GAD1: variants seen among roughly 807,000 people sequenced by gnomAD.
The protein encoded by GAD1 is glutamate decarboxylase 1.
In GAD1, 35 loss-of-function variants were observed where a neutral mutation model predicts 75.2. The ratio of observed to expected loss-of-function variants is 0.47; its 90% CI spans 0.36 to 0.62. The LOEUF is 0.62. Among genes scored for constraint, GAD1 ranks in the 20% least tolerant of loss-of-function variants. GAD1 has a pLI of 0.00. For missense variants in GAD1, 490 were observed against 758.5 expected (o/e 0.65, Z 4.16); for synonymous variants, 257 against 271.9 (o/e 0.95, Z 0.54).
upstream of GAD1, among the ~76,000 whole-genome samples, chr2:170,813,707 A>G (rs1701649547): frequency 6.6e-6 from 1 of 152,182 alleles, no homozygotes; most frequent in African/African-American, 2.4e-5. Flanking sequence ...CTTGGCCCCA[A>G]ATCCGGTTGG....
At chr2:170,859,154 C>T (rs1355308092) in intron 16 of GAD1, among the ~76,000 whole-genome samples, 3 of 152,096 alleles carry the variant, frequency 2.0e-5, no homozygotes, top group Non-Finnish European at 4.4e-5. Context: ...ATTAAAGGAG[C>T]CCTATGCAGG....
chr2:170,829,966 G>A (rs531684217), intron 4 of GAD1: 190 of 334,660 alleles, frequency 5.7e-4, no homozygotes, highest in Non-Finnish European at 9.8e-4. Context: ...CGTTTATCCT[G>A]GAAGATTGGC....
At chr2:170,821,221 T>C (rs1701870653) in intron 2 of GAD1, among the ~76,000 whole-genome samples, 2 of 152,234 alleles carry the variant, frequency 1.3e-5, no homozygotes, top group South Asian at 4.1e-4. Flanking sequence ...GCTTGGGGGC[T>C]TAGTGGGGAT....
At chr2:170,839,811 G>A (rs1482387254) in intron 6 of GAD1, among the ~76,000 whole-genome samples, 1 of 152,138 alleles carries the variant, frequency 6.6e-6, no homozygotes, top group Non-Finnish European at 1.5e-5. Context: ...GGGCCCGAGT[G>A]TAAACAACAG....
intron 14 of GAD1, among the ~76,000 whole-genome samples, chr2:170,856,418 A>T (rs1702852170): frequency 6.6e-6 from 1 of 152,256 alleles, no homozygotes; most frequent in Non-Finnish European, 1.5e-5. Context: ...AGGGCATGGG[A>T]CATGTTTCAC....
intron 14 of GAD1, 84 bp from the exon 15 acceptor site, chr2:170,856,934 C>A: frequency 1.9e-6 from 2 of 1,064,364 alleles, no homozygotes; most frequent in Non-Finnish European, 1.5e-6. Context: ...TTGTTTATTT[C>A]CCATAGACAG....
intron 6 of GAD1, among the ~76,000 whole-genome samples, chr2:170,840,398 A>G (rs978100873): frequency 1.3e-5 from 2 of 152,162 alleles, no homozygotes; most frequent in Admixed American, 1.3e-4. Context: ...CTGTAAGGAG[A>G]AGTCAAGAGG....
Position 170,838,182 on chromosome 2 carries a change from C to T in GAD1, c.638+1299C>T, listed in dbSNP as rs114999164. On this transcript the variant is annotated intron_variant, in intron 6 of 16. Transcript: ENST00000358196. Reference sequence around the variant, plus strand: ...GATTAAACTGATTGAAAAACTAAAACGATGTTCATGCTCCCTGCTTGCAGG... The same window carrying T: ...GATTAAACTGATTGAAAAACTAAAATGATGTTCATGCTCCCTGCTTGCAGG... Among the ~76,000 whole-genome samples, 901 of 152,320 alleles carry T rather than the reference C, an allele frequency of 5.9e-3. 6 individuals carry two copies. The highest frequency in any genetic ancestry group is 0.019 in the African/African-American group (774 of 41,578).
intron 13 of GAD1, 24 bp downstream of exon 13, chr2:170,852,816 A>G: frequency 6.2e-7 from 1 of 1,602,656 alleles, no homozygotes; most frequent in Non-Finnish European, 8.5e-7. Flanking sequence ...CCAAAGCTAC[A>G]CTGGGGCCCG....
chr2:170,845,858 G>C, intron 9 of GAD1, 73 bp downstream of exon 9: 1 of 1,514,304 alleles, frequency 6.6e-7, no homozygotes. Context: ...GTTTTATTGT[G>C]CTTAAGGACT....
intron 2 of GAD1, among the ~76,000 whole-genome samples, chr2:170,820,878 C>G (rs982882929): frequency 2.6e-5 from 4 of 152,186 alleles, no homozygotes; most frequent in African/African-American, 7.2e-5. Context: ...AGGACTGTTA[C>G]GAGAATTAGA....
intron 6 of GAD1, among the ~76,000 whole-genome samples, chr2:170,839,880 C>G (rs1702468449): frequency 1.3e-5 from 2 of 152,162 alleles, no homozygotes; most frequent in Admixed American, 1.3e-4. Flanking sequence ...TATCATAACC[C>G]TTTGCTATGA....
chr2:170,845,852 T>C, intron 9 of GAD1, 67 bp downstream of exon 9: 1 of 1,540,732 alleles, frequency 6.5e-7, no homozygotes, highest in Non-Finnish European at 9.0e-7. Flanking sequence ...AAATTTGTTT[T>C]ATTGTGCTTA....
chr2:170,830,849 T>G, intron 4 of GAD1, 101 bp from the exon 5 acceptor site: 1 of 1,443,176 alleles, frequency 6.9e-7, no homozygotes, highest in Non-Finnish European at 9.6e-7. Flanking sequence ...CAGAATGAAA[T>G]CAGGCCTATA....
chr2:170,824,669 C>T (rs897579184), intron 3 of GAD1, among the ~76,000 whole-genome samples: 2 of 152,216 alleles, frequency 1.3e-5, no homozygotes, highest in African/African-American at 4.8e-5. Context: ...CCCTGGGCCC[C>T]ACTAGTGGTA....
chr2:170,844,714 T>G (rs1702595143), intron 7 of GAD1, among the ~76,000 whole-genome samples: 1 of 152,254 alleles, frequency 6.6e-6, no homozygotes, highest in Admixed American at 6.5e-5. Context: ...TATATCTACT[T>G]TGAATCTCTA....
intron 7 of GAD1, 124 bp from the exon 8 acceptor site, chr2:170,845,382 T>G (rs1702606705): frequency 1.2e-6 from 1 of 843,478 alleles, no homozygotes; most frequent in Non-Finnish European, 2.0e-6. Context: ...CAGCAAAACC[T>G]ATCAGGATAT....
rs146909753 is a variant in GAD1 at position 170,827,687 on chromosome 2, T to C, written c.146-1788T>C. Among the ~76,000 whole-genome samples, 26 of 152,300 alleles carry C rather than the reference T, an allele frequency of 1.7e-4. No individual in the cohort carries two copies. The East Asian group carries it at 4.6e-3, about 27-fold the overall frequency. On this transcript the variant is annotated intron_variant, in intron 3 of 16. Transcript: ENST00000358196. ...CTGTCATCTCTGTGGAGTTCTTGGA[T>C]GACTAGTTTTATTCCAGCATTTGTC...
chr2:170,816,044 C>A, upstream of GAD1: 1 of 90,360 alleles, frequency 1.1e-5, no homozygotes, highest in Non-Finnish European at 2.2e-5. Flanking sequence ...CGGGCCAGGG[C>A]AAGGGGGGCT....
Sources: allele counts gnomAD v4.1 joint callset (sites outside exome capture counted in the v4.1 genomes callset), GRCh38; gene constraint gnomAD v4.1.1; transcripts MANE v1.5; gene names NCBI Gene and HGNC (gene_info 2026-07-23, HGNC 2026-07-21).